The following CSMD1 variants were observed in gnomAD, a reference collection of about 807,000 sequenced individuals.
CSMD1 encodes the protein CUB and Sushi multiple domains 1.
Under a neutral mutation model 417.5 loss-of-function variants are expected in CSMD1, and 213 were observed. The observed-to-expected ratio is 0.51, with a 90% CI of 0.46 to 0.57. The LOEUF is 0.57. Among genes scored for constraint, CSMD1 ranks in the 20% least tolerant of loss-of-function variants. The pLI is 0.00. For missense variants in CSMD1, 6,923 were observed against 4,529.7 expected, an observed-to-expected ratio of 1.53 and a Z score of -15.17; for synonymous variants, 2,862 against 1,736.8, an observed-to-expected ratio of 1.65 and a Z score of -16.11.
At chr8:4,944,202 G>C (rs924431056) in intron 1 of CSMD1, among the ~76,000 whole-genome samples, 13 of 152,168 alleles carry the variant, frequency 8.5e-5, no homozygotes, top group African/African-American at 3.1e-4. Flanking sequence ...GAAATTCCTA[G>C]TGTATGTAAT....
intron 1 of CSMD1, among the ~76,000 whole-genome samples, chr8:4,855,628 T>A (rs1801752847): frequency 6.6e-6 from 1 of 152,164 alleles, no homozygotes; most frequent in Non-Finnish European, 1.5e-5. Context: ...CAGAAGCCTC[T>A]GGAGCCAATG....
chr8:4,398,669 A>G (rs1299818114), intron 3 of CSMD1, among the ~76,000 whole-genome samples: 1 of 152,148 alleles, frequency 6.6e-6, no homozygotes, highest in African/African-American at 2.4e-5. Context: ...TGCTGGGATT[A>G]CAGGCATGAG....
intron 1 of CSMD1, among the ~76,000 whole-genome samples, chr8:4,745,464 AT>A: frequency 6.6e-6 from 1 of 152,212 alleles, no homozygotes; most frequent in Non-Finnish European, 1.5e-5. Flanking sequence ...CTTAGATACT[AT>A]TTAACACTGT....
At chr8:4,200,491 C>T (rs868361241) in intron 3 of CSMD1, among the ~76,000 whole-genome samples, 3 of 152,246 alleles carry the variant, frequency 2.0e-5, no homozygotes, top group African/African-American at 2.4e-5. Flanking sequence ...CAGAGATAAT[C>T]ACTTAGGTAA....
rs564820110 is a variant in CSMD1 at position 4,696,168 on chromosome 8, G to A, written c.86-58610C>T. 1.1e-4 allele frequency among the ~76,000 whole-genome samples: 16 copies of A among 152,300 alleles called. No individual in the cohort carries two copies. In the South Asian group the frequency reaches 2.7e-3, roughly 26 times the overall value. The stretch of plus-strand genomic sequence containing the variant: ...GTTACATGAAAATCATTCAATAAAT[G>A]TTTTAAAGCCAGTGCACATGTATGC... On this transcript the variant is annotated intron_variant, in intron 1 of 69. Transcript: ENST00000635120.
At chr8:3,380,426 A>G (rs570378501) in intron 18 of CSMD1, among the ~76,000 whole-genome samples, 76 of 152,226 alleles carry the variant, frequency 5.0e-4, no homozygotes, top group Non-Finnish European at 1.0e-3. Flanking sequence ...TCTACTATGA[A>G]GACATATACA....
At chr8:3,925,687 GCCA>G (rs1463143722) in intron 5 of CSMD1, among the ~76,000 whole-genome samples, 1 of 151,760 alleles carries the variant, frequency 6.6e-6, no homozygotes, top group Non-Finnish European at 1.5e-5. Flanking sequence ...TTTTTCTCTT[GCCA>G]CCACCACGTA....
At chr8:3,314,089 G>C (rs1217251147) in intron 23 of CSMD1, among the ~76,000 whole-genome samples, 1 of 151,804 alleles carries the variant, frequency 6.6e-6, no homozygotes, top group East Asian at 1.9e-4. Flanking sequence ...ATGGACACAG[G>C]AAGGGGAACA....
At chr8:3,917,963 G>C (rs1057073191) in intron 5 of CSMD1, among the ~76,000 whole-genome samples, 4 of 151,966 alleles carry the variant, frequency 2.6e-5, no homozygotes, top group African/African-American at 9.7e-5. Flanking sequence ...TAAAATTTAA[G>C]CTGGTTTATT....
intron 3 of CSMD1, among the ~76,000 whole-genome samples, chr8:4,068,424 G>A (rs539070941): frequency 5.8e-4 from 89 of 152,226 alleles, no homozygotes; most frequent in Middle Eastern, 6.8e-3. Context: ...GAAAAGCACG[G>A]TTACAGAAAA....
intron 2 of CSMD1, among the ~76,000 whole-genome samples, chr8:4,636,372 T>C (rs1273599690): frequency 6.6e-6 from 1 of 152,200 alleles, no homozygotes; most frequent in Non-Finnish European, 1.5e-5. Flanking sequence ...GTAAAAACTA[T>C]AGATCAAAAG....
At position 3,996,692 on chromosome 8, in the gene CSMD1, G is replaced by C. The variant is rs182479902; in HGVS notation, c.818+1211C>G. On this transcript the variant is annotated intron_variant, in intron 5 of 69. Transcript: ENST00000635120. Reference sequence around the variant, plus strand: ...CTGGCTAATCTAAAAGTGTTGTTCAGCATGAAAAAAATTGAAAACAAAGAC... The same window carrying C: ...CTGGCTAATCTAAAAGTGTTGTTCACCATGAAAAAAATTGAAAACAAAGAC... 3.5e-3 allele frequency among the ~76,000 whole-genome samples: 530 copies of C among 152,224 alleles called. 3 individuals are homozygous for C. Among genetic ancestry groups the C allele is most frequent in the African/African-American group, 0.012 (497 of 41,534 alleles).
chr8:4,344,970 G>A (rs551079313), intron 3 of CSMD1, among the ~76,000 whole-genome samples: 31 of 151,856 alleles, frequency 2.0e-4, no homozygotes, highest in Middle Eastern at 3.4e-3. Flanking sequence ...AGGAATTTTC[G>A]GACTGAAGAA....
chr8:4,908,609 G>A (rs1215953277), intron 1 of CSMD1, among the ~76,000 whole-genome samples: 1 of 139,432 alleles, frequency 7.2e-6, no homozygotes, highest in African/African-American at 2.5e-5. Context: ...CAGCAGTCAA[G>A]CTCCGAGTCT....
intron 5 of CSMD1, among the ~76,000 whole-genome samples, chr8:3,832,844 G>C (rs1162278556): frequency 6.6e-6 from 1 of 152,164 alleles, no homozygotes; most frequent in East Asian, 1.9e-4. Flanking sequence ...TATGGTTATA[G>C]AAACACGTAG....
chr8:3,640,226 A>G (rs1263325333), intron 7 of CSMD1, among the ~76,000 whole-genome samples: 1 of 152,226 alleles, frequency 6.6e-6, no homozygotes, highest in East Asian at 1.9e-4. Flanking sequence ...TGTGCTGAGA[A>G]TTGATTAAAT....
At chr8:3,327,457 C>T (rs1358399226) in intron 23 of CSMD1, among the ~76,000 whole-genome samples, 2 of 152,166 alleles carry the variant, frequency 1.3e-5, no homozygotes, top group African/African-American at 2.4e-5. Context: ...TTTTATAGCA[C>T]AGAAAATTCT....
chr8:4,851,772 C>T (rs1044272296), intron 1 of CSMD1, among the ~76,000 whole-genome samples: 2 of 152,280 alleles, frequency 1.3e-5, no homozygotes, highest in Non-Finnish European at 1.5e-5. Context: ...TTGAGATGAA[C>T]GTACTTTTAA....
chr8:4,099,204 ACG>A (rs891467463), intron 3 of CSMD1, among the ~76,000 whole-genome samples: 7 of 142,066 alleles, frequency 4.9e-5, no homozygotes, highest in Admixed American at 6.8e-5. Flanking sequence ...TCACACACAC[ACG>A]CACACACACA....
Sources: gnomAD v4.1 joint callset for allele counts (sites outside exome capture counted in the v4.1 genomes callset) on GRCh38, gnomAD v4.1.1 for gene constraint, MANE v1.5 for transcripts, NCBI Gene and HGNC (gene_info 2026-07-23, HGNC 2026-07-21) for gene names.